Variants in TBL1Y observed in about 807,000 individuals in gnomAD.
TBL1Y encodes the protein transducin beta like 1 Y-linked, also known as F-box-like/WD repeat-containing protein TBL1Y.
TBL1Y carries 15 observed loss-of-function variants against 12.0 expected under a neutral mutation model. The observed-to-expected ratio is 1.25, with a 90% CI of 0.83 to 1.92. The LOEUF (loss-of-function observed/expected upper bound fraction) is 1.92. TBL1Y is among the 40% of genes most tolerant of loss of function. The pLI, the probability that TBL1Y is intolerant of heterozygous loss-of-function variation, is 0.00. For synonymous variants in TBL1Y, 53 were observed against 42.6 expected (o/e 1.24, Z -0.95); for missense variants, 148 against 116.7 (o/e 1.27, Z -1.24).
intron 2 of TBL1Y, among the ~76,000 whole-genome samples, chrY:6,967,652 T>G: frequency 2.9e-5 from 1 of 34,250 alleles, no homozygotes; most frequent in African/African-American, 1.1e-4. Flanking sequence ...CCCAAAGTGT[T>G]GGGATAACAG....
chrY:7,013,303 G>A, intron 4 of TBL1Y, among the ~76,000 whole-genome samples: 3 of 33,261 alleles, frequency 9.0e-5, no homozygotes, highest in Non-Finnish European at 1.5e-4. Context: ...TAGTCCCTCC[G>A]TAATTGACCT....
At chrY:7,002,314 G>C (rs752545611) in intron 4 of TBL1Y, among the ~76,000 whole-genome samples, 1 of 34,125 alleles carries the variant, frequency 2.9e-5, no homozygotes, top group African/African-American at 1.1e-4. Context: ...ACATGGGTTG[G>C]AGGAGATTCC....
chrY:7,040,276 C>G (rs1037439405), intron 6 of TBL1Y, among the ~76,000 whole-genome samples: 1 of 34,546 alleles, frequency 2.9e-5, no homozygotes, highest in Non-Finnish European at 7.2e-5. Context: ...ACTTTCAGCT[C>G]TCTTTGCAGA....
At chrY:6,993,535 T>C (rs2012388749) in intron 3 of TBL1Y, among the ~76,000 whole-genome samples, 1 of 31,099 alleles carries the variant, frequency 3.2e-5, no homozygotes, top group African/African-American at 1.3e-4. Context: ...GTCCTGATGC[T>C]CTCCCTCCCC....
chrY:7,089,610 G>A (rs959984750), intron 17 of TBL1Y, among the ~76,000 whole-genome samples: 17 of 33,568 alleles, frequency 5.1e-4, no homozygotes, highest in Admixed American at 2.5e-3. Context: ...GACCAACGTG[G>A]TGAAGCCCCT....
intron 4 of TBL1Y, among the ~76,000 whole-genome samples, chrY:6,998,850 G>A (rs976472078): frequency 3.0e-5 from 1 of 33,352 alleles, no homozygotes. Flanking sequence ...TCAAAAGAAC[G>A]AAACAATTGA....
intron 7 of TBL1Y, among the ~76,000 whole-genome samples, chrY:7,062,030 G>A (rs2124172297): frequency 3.1e-5 from 1 of 32,281 alleles, no homozygotes; most frequent in South Asian, 7.4e-4. Flanking sequence ...TGGTGGAATG[G>A]TAATTCCTAA....
intron 2 of TBL1Y, among the ~76,000 whole-genome samples, chrY:6,950,571 A>G (rs2012017235): frequency 6.1e-5 from 2 of 32,994 alleles, no homozygotes; most frequent in Non-Finnish European, 1.5e-4. Context: ...ACCTCACTAC[A>G]CATTGTAATA....
chrY:7,063,882 G>A lies in TBL1Y; in HGVS notation c.205-15G>A. The stretch of plus-strand genomic sequence containing the variant: ...CCTTGTGAGCTGATGGCTGTCCCTT[G>A]GCTTGCTTCCCCAGGATGGCACAGT... On this transcript the variant is annotated splice_polypyrimidine_tract_variant and intron_variant, in intron 7 of 18. Coordinates refer to ENST00000383032, the MANE Select transcript of TBL1Y (RefSeq NM_033284.2). The A allele has an allele frequency of 2.5e-6, 1 of 397,714 alleles. No homozygotes were observed. The highest frequency in any genetic ancestry group is 3.5e-6 in the Non-Finnish European group (1 of 283,162).
intron 2 of TBL1Y, among the ~76,000 whole-genome samples, chrY:6,972,169 A>G (rs2012212412): frequency 3.0e-5 from 1 of 33,174 alleles, no homozygotes; most frequent in Non-Finnish European, 7.4e-5. Flanking sequence ...ATCAAAATTG[A>G]TAAGTGACTT....
At chrY:7,025,184 G>A in intron 6 of TBL1Y, 42 bp downstream of exon 6, 1 of 363,616 alleles carries the variant, frequency 2.8e-6, no homozygotes, top group Non-Finnish European at 4.0e-6. Flanking sequence ...TTCATCCTGA[G>A]CATCTTACGA....
At chrY:6,996,338 C>T in intron 4 of TBL1Y, among the ~76,000 whole-genome samples, 1 of 33,281 alleles carries the variant, frequency 3.0e-5, no homozygotes, top group African/African-American at 1.2e-4. Flanking sequence ...CCAAGTGAAA[C>T]ATCTTTCAAG....
In TBL1Y at chrY:7,064,506, G is replaced by A. The variant is rs548709005; in HGVS notation, c.457+357G>A. ...CATGTTGAGTGTTTTTGGCCAAATT[G>A]TGGTATAATCATTGAGTTCATGGTT... On this transcript the variant is annotated intron_variant, in intron 8 of 18. Coordinates refer to ENST00000383032, the MANE Select transcript of TBL1Y (RefSeq NM_033284.2). Among the ~76,000 whole-genome samples the A allele has an allele frequency of 6.0e-3, 201 of 33,712 alleles. No homozygotes were observed. In the Middle Eastern group the frequency reaches 0.23, roughly 39 times the overall value. 90.4% of individuals were successfully genotyped at this position (33,712 alleles called of 37,273 possible).
intron 8 of TBL1Y, among the ~76,000 whole-genome samples, chrY:7,066,521 C>A: frequency 3.0e-5 from 1 of 33,171 alleles, no homozygotes; most frequent in East Asian, 7.9e-4. Context: ...CACACACCAC[C>A]ACACCCAGCT....
chrY:6,929,018 TA>T (rs2011844786), intron 2 of TBL1Y, among the ~76,000 whole-genome samples: 1 of 32,743 alleles, frequency 3.1e-5, no homozygotes, highest in Non-Finnish European at 7.5e-5. Context: ...CCGGAGTTTT[TA>T]TGGTCTCAGA....
chrY:6,915,170 G>A (rs955743786), intron 2 of TBL1Y, among the ~76,000 whole-genome samples: 1 of 33,634 alleles, frequency 3.0e-5, no homozygotes, highest in Non-Finnish European at 7.3e-5. Context: ...CCCAGGTACT[G>A]TAGTGCCATA....
intron 7 of TBL1Y, among the ~76,000 whole-genome samples, chrY:7,063,100 C>G (rs574960977): frequency 0.027 from 888 of 33,250 alleles, no homozygotes; most frequent in Middle Eastern, 0.18. Flanking sequence ...CCTGAGACCG[C>G]CACAAGGGGT....
chrY:6,973,390 A>G (rs971173634), intron 2 of TBL1Y, among the ~76,000 whole-genome samples: 2 of 32,806 alleles, frequency 6.1e-5, no homozygotes, highest in Non-Finnish European at 1.5e-4. Context: ...TGTGCAAGTG[A>G]CTGCTCCTGC....
chrY:7,038,577 A>T (rs763611488), intron 6 of TBL1Y, among the ~76,000 whole-genome samples: 1 of 32,765 alleles, frequency 3.1e-5, no homozygotes, highest in Non-Finnish European at 7.5e-5. Flanking sequence ...ACATGCTACA[A>T]TGTATGGGAC....
Sources: allele counts gnomAD v4.1 joint callset (sites outside exome capture counted in the v4.1 genomes callset), GRCh38; gene constraint gnomAD v4.1.1; transcripts MANE v1.5; gene names NCBI Gene and HGNC (gene_info 2026-07-23, HGNC 2026-07-21).